The following CHCHD3 variants were observed in gnomAD, a reference collection of about 807,000 sequenced individuals.
CHCHD3 encodes the protein coiled-coil-helix-coiled-coil-helix domain containing 3.
Under a neutral mutation model 38.2 loss-of-function variants are expected in CHCHD3, and 20 were observed. The ratio of observed to expected loss-of-function variants is 0.52; its 90% CI spans 0.37 to 0.76. The LOEUF (loss-of-function observed/expected upper bound fraction) is 0.76, where lower values mean the gene tolerates loss of function less well. Among genes scored for constraint, CHCHD3 ranks in the 30% least tolerant of loss-of-function variants. The pLI, the probability that CHCHD3 is intolerant of heterozygous loss-of-function variation, is 0.00. For missense variants in CHCHD3, 245 were observed against 279.2 expected, an observed-to-expected ratio of 0.88 and a Z score of 0.87; for synonymous variants, 82 against 100.0, an observed-to-expected ratio of 0.82 and a Z score of 1.07.
intron 3 of CHCHD3, among the ~76,000 whole-genome samples, chr7:132,978,152 T>C (rs1029793684): frequency 9.2e-5 from 14 of 152,128 alleles, no homozygotes; most frequent in African/African-American, 3.4e-4. Context: ...ATACACTCAA[T>C]AAATGTTAGG....
intron 3 of CHCHD3, among the ~76,000 whole-genome samples, chr7:132,985,641 C>G (rs1812090336): frequency 1.2e-5 from 1 of 81,268 alleles, no homozygotes; most frequent in African/African-American, 4.6e-5. Flanking sequence ...AGAGAGGAGC[C>G]CCTCTGCCCG....
chr7:132,993,161 A>G (rs867795337), intron 3 of CHCHD3, among the ~76,000 whole-genome samples: 1 of 152,154 alleles, frequency 6.6e-6, no homozygotes, highest in Non-Finnish European at 1.5e-5. Context: ...GCTGTCTATG[A>G]CTAGGTGTGC....
At chr7:133,080,600 T>C (rs1307392852) in intron 1 of CHCHD3, among the ~76,000 whole-genome samples, 1 of 152,212 alleles carries the variant, frequency 6.6e-6, no homozygotes, top group African/African-American at 2.4e-5. Context: ...ACAGTAATTT[T>C]TTACTCCAAA....
At chr7:132,855,561 G>T (rs1193119183) in intron 5 of CHCHD3, among the ~76,000 whole-genome samples, 2 of 152,126 alleles carry the variant, frequency 1.3e-5, no homozygotes, top group African/African-American at 4.8e-5. Flanking sequence ...CAAAGGAAAG[G>T]CCTTTTTGAA....
intron 6 of CHCHD3, among the ~76,000 whole-genome samples, chr7:132,830,949 G>A (rs1274190366): frequency 6.6e-6 from 1 of 152,052 alleles, no homozygotes; most frequent in Non-Finnish European, 1.5e-5. Context: ...GGACCGTGGG[G>A]AATAAAATGT....
chr7:132,986,396 TAAAAAAAAGAAAAAGAAAAAGAAAAAAGA>T (rs1322815615), intron 3 of CHCHD3, among the ~76,000 whole-genome samples: 4 of 42,590 alleles, frequency 9.4e-5, no homozygotes, highest in African/African-American at 3.6e-4. Context: ...GAATGATCAA[TAAAAAAAAGAAAAAGAAAAAGAAAAAAGA>T]AAAAAAAAAA....
In CHCHD3 at chr7:132,992,539, G is replaced by A. The variant is rs928887072; in HGVS notation, c.252-17253C>T. Among the ~76,000 whole-genome samples the A allele has an allele frequency of 7.2e-5, 11 of 152,274 alleles. No homozygotes were observed. The East Asian group carries it at 1.2e-3, about 16-fold the overall frequency. ...AATACAGTCCCCATTAGCCACATGC[G>A]GCTACTGAGCCCAGAAATGTGGCTA... On this transcript the variant is annotated intron_variant, in intron 3 of 7. Coordinates refer to ENST00000262570, the MANE Select transcript of CHCHD3 (RefSeq NM_017812.4).
At chr7:132,892,670 C>A (rs1809392327) in intron 4 of CHCHD3, among the ~76,000 whole-genome samples, 2 of 152,176 alleles carry the variant, frequency 1.3e-5, no homozygotes, top group South Asian at 4.1e-4. Flanking sequence ...CTGGACCAGA[C>A]CCAGGGCACT....
intron 5 of CHCHD3, among the ~76,000 whole-genome samples, chr7:132,839,217 T>C (rs562131536): frequency 6.6e-6 from 1 of 152,006 alleles, no homozygotes; most frequent in African/African-American, 2.4e-5. Context: ...GTTTTCTTTA[T>C]GGAGCTTAAG....
At chr7:133,033,517 C>CG (rs1313835179) in intron 2 of CHCHD3, among the ~76,000 whole-genome samples, 1 of 152,020 alleles carries the variant, frequency 6.6e-6, no homozygotes, top group Non-Finnish European at 1.5e-5. Flanking sequence ...CCCACCACTG[C>CG]GCACCATTGT....
At chr7:133,080,761 T>C (rs57743666) in intron 1 of CHCHD3, among the ~76,000 whole-genome samples, 40 of 152,318 alleles carry the variant, frequency 2.6e-4, no homozygotes, top group African/African-American at 9.6e-4. Context: ...TGAAGAAAAG[T>C]TTAATAAATT....
rs570536082 is a variant in CHCHD3 at position 132,894,464 on chromosome 7, C to A, written c.370-8719G>T. Among the ~76,000 whole-genome samples, 46 of 152,320 alleles carry A rather than the reference C, an allele frequency of 3.0e-4. 1 individual carries two copies. In the South Asian group the frequency reaches 7.5e-3, roughly 25 times the overall value. ...CTTCCAGAGTCTTTGCCAAGTCATA[C>A]CCTAGCTGCTTCTCCTACTTTTGCA... On this transcript the variant is annotated intron_variant, in intron 4 of 7. Coordinates refer to ENST00000262570, the MANE Select transcript of CHCHD3 (RefSeq NM_017812.4).
chr7:132,853,034 C>A (rs11763279), intron 5 of CHCHD3, among the ~76,000 whole-genome samples: 36,321 of 152,116 alleles, frequency 0.24, 4,467 homozygotes, highest in South Asian at 0.26. Context: ...GTAATTCCAG[C>A]AGAATCAAAT....
At chr7:132,931,180 A>C (rs915029399) in intron 4 of CHCHD3, among the ~76,000 whole-genome samples, 7 of 152,238 alleles carry the variant, frequency 4.6e-5, no homozygotes, top group Non-Finnish European at 8.8e-5. Flanking sequence ...ATTTCCATCC[A>C]GTTACTGAAC....
At chr7:133,023,184 T>C (rs1250512973) in intron 3 of CHCHD3, among the ~76,000 whole-genome samples, 1 of 152,150 alleles carries the variant, frequency 6.6e-6, no homozygotes, top group Non-Finnish European at 1.5e-5. Context: ...TGGGAAACTG[T>C]GGAAATATAC....
At chr7:132,998,989 C>G (rs1812495681) in intron 3 of CHCHD3, among the ~76,000 whole-genome samples, 2 of 152,086 alleles carry the variant, frequency 1.3e-5, no homozygotes, top group Admixed American at 6.6e-5. Flanking sequence ...GTGTTCCTAA[C>G]TGGAATGTTA....
intron 2 of CHCHD3, among the ~76,000 whole-genome samples, chr7:133,048,111 A>G (rs1365271527): frequency 6.6e-6 from 1 of 152,006 alleles, no homozygotes. Flanking sequence ...GACAACAACA[A>G]AACTCCCTTA....
chr7:133,053,940 C>T (rs1814239396), intron 2 of CHCHD3, among the ~76,000 whole-genome samples: 1 of 152,104 alleles, frequency 6.6e-6, no homozygotes. Context: ...CTAGTCCCCA[C>T]AATGTGGAAG....
At chr7:132,929,002 C>T (rs1306167607) in intron 4 of CHCHD3, among the ~76,000 whole-genome samples, 1 of 152,064 alleles carries the variant, frequency 6.6e-6, no homozygotes, top group Non-Finnish European at 1.5e-5. Flanking sequence ...TTCTTTCCCT[C>T]GACTCTCAAA....
Sources: gnomAD v4.1 joint callset for allele counts (sites outside exome capture counted in the v4.1 genomes callset) on GRCh38, gnomAD v4.1.1 for gene constraint, MANE v1.5 for transcripts, NCBI Gene and HGNC (gene_info 2026-07-23, HGNC 2026-07-21) for gene names.